Variants in NWD2 observed in about 807,000 individuals in gnomAD.
NWD2 encodes NACHT and WD repeat domain containing 2, also known as NACHT and WD repeat domain-containing protein 2.
Under a neutral mutation model 132.7 loss-of-function variants are expected in NWD2, and 37 were observed. The ratio of observed to expected loss-of-function variants is 0.28; its 90% CI spans 0.21 to 0.37. The LOEUF is 0.37. Ranked by LOEUF, NWD2 falls within the 10% of genes least tolerant of loss-of-function variation. The pLI is 1.00. For synonymous variants in NWD2, 705 were observed against 803.0 expected (o/e 0.88, Z 2.06); for missense variants, 1,592 against 2,122.4 (o/e 0.75, Z 4.91).
chr4:37,354,488 T>C (rs1719830651), intron 2 of NWD2, among the ~76,000 whole-genome samples: 1 of 151,720 alleles, frequency 6.6e-6, no homozygotes, highest in African/African-American at 2.4e-5. Flanking sequence ...GAGGTGGGAG[T>C]TTTATCTATA....
chr4:37,425,190 A>G (rs142108724), intron 3 of NWD2, among the ~76,000 whole-genome samples: 58 of 152,354 alleles, frequency 3.8e-4, no homozygotes, highest in Admixed American at 7.8e-4. Context: ...AACCATTTTA[A>G]AGTGAACAAT....
chr4:37,354,741 A>T (rs1212615231), intron 2 of NWD2, among the ~76,000 whole-genome samples: 2 of 152,210 alleles, frequency 1.3e-5, no homozygotes, highest in East Asian at 3.8e-4. Flanking sequence ...GAGATGGAAA[A>T]GTTCATCTTT....
At chr4:37,318,238 G>T (rs1344070615) in intron 1 of NWD2, among the ~76,000 whole-genome samples, 1 of 151,828 alleles carries the variant, frequency 6.6e-6, no homozygotes, top group Non-Finnish European at 1.5e-5. Context: ...TGTTGGCCAG[G>T]CTGGTCTTGA....
intron 1 of NWD2, among the ~76,000 whole-genome samples, chr4:37,318,842 G>A (rs373684920): frequency 1.2e-3 from 180 of 152,168 alleles, no homozygotes; most frequent in African/African-American, 4.1e-3. Flanking sequence ...GTATTCCATG[G>A]TGTATATGTA....
At chr4:37,434,318 C>A (rs1560254885) in intron 5 of NWD2, among the ~76,000 whole-genome samples, 1 of 152,180 alleles carries the variant, frequency 6.6e-6, no homozygotes, top group Non-Finnish European at 1.5e-5. Context: ...TCATCACTTA[C>A]CCGCTTATCC....
At chr4:37,337,771 C>T (rs1488114531) in intron 2 of NWD2, among the ~76,000 whole-genome samples, 1 of 152,192 alleles carries the variant, frequency 6.6e-6, no homozygotes, top group Non-Finnish European at 1.5e-5. Flanking sequence ...TCTCTCTCCT[C>T]CATAGTTGTG....
intron 2 of NWD2, among the ~76,000 whole-genome samples, chr4:37,327,253 G>A (rs1719192762): frequency 6.6e-6 from 1 of 152,122 alleles, no homozygotes; most frequent in Non-Finnish European, 1.5e-5. Context: ...TTTGTCAACA[G>A]GGGAAGTCAG....
At chr4:37,426,944 G>C (rs1170505625) in intron 3 of NWD2, among the ~76,000 whole-genome samples, 1 of 152,012 alleles carries the variant, frequency 6.6e-6, no homozygotes, top group Non-Finnish European at 1.5e-5. Flanking sequence ...AGTCATGATG[G>C]TGCTGTCCAG....
chr4:37,303,390 G>A (rs546498797), intron 1 of NWD2, among the ~76,000 whole-genome samples: 80 of 152,266 alleles, frequency 5.3e-4, no homozygotes, highest in Non-Finnish European at 7.8e-4. Flanking sequence ...GTAGTGTGAT[G>A]CGTCCAGCTT....
intron 5 of NWD2, among the ~76,000 whole-genome samples, chr4:37,436,540 T>G (rs1712327565): frequency 6.6e-6 from 1 of 152,188 alleles, no homozygotes; most frequent in African/African-American, 2.4e-5. Flanking sequence ...TGATCAACAC[T>G]TCTGCTTGAT....
chr4:37,323,652 T>TA (rs1156681924), intron 1 of NWD2, among the ~76,000 whole-genome samples: 2 of 152,088 alleles, frequency 1.3e-5, no homozygotes, highest in East Asian at 3.9e-4. Context: ...GAACTTGAAA[T>TA]AGAGCTACCA....
In NWD2 at chr4:37,388,655, ATATATATCATATATAAATATATATCG is replaced by A. The variant is rs1304460718; in HGVS notation, c.357+32196_357+32221del. 1.4e-4 allele frequency among the ~76,000 whole-genome samples: 20 copies of A among 140,824 alleles called. No individual in the cohort carries two copies. In the Admixed American group the frequency reaches 1.4e-3, roughly 10 times the overall value. 92.4% of individuals were successfully genotyped at this position (140,824 alleles called of 152,430 possible). ...TATATCATATATAAATATATATATC[ATATATATCATATATAAATATATATCG>A]TATATATCATATATAAATATATGAT... On this transcript the variant is annotated intron_variant, in intron 3 of 6. Transcript: ENST00000309447.
intron 3 of NWD2, among the ~76,000 whole-genome samples, chr4:37,392,192 C>A (rs1296687676): frequency 6.6e-6 from 1 of 152,036 alleles, no homozygotes; most frequent in Non-Finnish European, 1.5e-5. Context: ...CAGAATGAGA[C>A]CCTATCTCAA....
chr4:37,268,800 G>A (rs1172760291), intron 1 of NWD2, among the ~76,000 whole-genome samples: 2 of 151,930 alleles, frequency 1.3e-5, no homozygotes, highest in East Asian at 3.9e-4. Flanking sequence ...GGGACTGGAA[G>A]CAGGTGGACA....
intron 3 of NWD2, among the ~76,000 whole-genome samples, chr4:37,429,985 A>G (rs990070311): frequency 6.6e-6 from 1 of 152,156 alleles, no homozygotes; most frequent in Non-Finnish European, 1.5e-5. Flanking sequence ...GGCTGAGTAC[A>G]TATTTGTTCA....
At chr4:37,383,580 C>T (rs184694401) in intron 3 of NWD2, among the ~76,000 whole-genome samples, 118 of 152,158 alleles carry the variant, frequency 7.8e-4, no homozygotes, top group African/African-American at 2.6e-3. Context: ...CAAGCAAGTC[C>T]CTCAGGGCAT....
chr4:37,312,104 C>T (rs374206392), intron 1 of NWD2, among the ~76,000 whole-genome samples: 14 of 151,390 alleles, frequency 9.2e-5, no homozygotes, highest in Admixed American at 5.3e-4. Flanking sequence ...ATTGACTTGG[C>T]GATGCGGGCT....
rs1275407678 is a variant in NWD2 at position 37,268,285 on chromosome 4, A to G, written c.151+23067A>G. ...GAGTTATTCTCTTTGTCCACAACTC[A>G]TCAAAACCTGTGAACTTTTAAGGTT... is the stretch of plus-strand genomic sequence containing the variant. On this transcript the variant is annotated intron_variant, in intron 1 of 6. Transcript: ENST00000309447. Among the ~76,000 whole-genome samples the G allele has an allele frequency of 3.9e-5, 6 of 151,950 alleles. No homozygotes were observed. In the East Asian group the frequency reaches 7.7e-4, roughly 20 times the overall value.
chr4:37,298,946 G>A (rs923453828), intron 1 of NWD2, among the ~76,000 whole-genome samples: 1 of 152,054 alleles, frequency 6.6e-6, no homozygotes, highest in Non-Finnish European at 1.5e-5. Context: ...GTTTATAATG[G>A]CTTGTGAACT....
Sources: gnomAD v4.1 joint callset for allele counts (sites outside exome capture counted in the v4.1 genomes callset) on GRCh38, gnomAD v4.1.1 for gene constraint, MANE v1.5 for transcripts, NCBI Gene and HGNC (gene_info 2026-07-23, HGNC 2026-07-21) for gene names.